The following TRIM41 variants were observed in gnomAD, a reference collection of about 807,000 sequenced individuals.
The protein encoded by TRIM41 is tripartite motif containing 41, also known as E3 ubiquitin-protein ligase TRIM41.
In TRIM41, 21 loss-of-function variants were observed where a neutral mutation model predicts 60.6. The observed-to-expected ratio is 0.35, with a 90% CI of 0.25 to 0.50. TRIM41 has a LOEUF of 0.50. TRIM41 is among the 20% of genes least tolerant of loss of function. TRIM41 has a pLI of 0.98. For missense variants in TRIM41, 846 were observed against 868.3 expected (o/e 0.97, Z 0.32); for synonymous variants, 407 against 344.9 (o/e 1.18, Z -2.00).
At chr5:181,232,230 T>C (rs1346186920) in intron 2 of TRIM41, 2 of 170,504 alleles carry the variant, frequency 1.2e-5, no homozygotes, top group African/African-American at 4.8e-5. Context: ...TCCCTGTCAG[T>C]GGGAGCTCAT....
chr5:181,228,954 A>AAAAAC (rs1758676736), intron 1 of TRIM41: 1 of 151,846 alleles, frequency 6.6e-6, no homozygotes, highest in Non-Finnish European at 1.5e-5. Context: ...AAAAAAAAAA[A>AAAAAC]AAAACAGTAA....
In TRIM41 at chr5:181,235,696, T is replaced by A. The variant is rs1338862788; in HGVS notation, c.*921T>A. 2.8e-6 allele frequency: 1 copy of A among 363,334 alleles called. No homozygotes were observed. The allele number at this position is 363,334 out of a possible 1,614,324, so 22.5% of individuals were successfully genotyped here. A position where few individuals can be genotyped will look rare whatever the true frequency, so the allele number is the denominator to read the frequency against. On this transcript the variant is annotated 3_prime_UTR_variant, in exon 6 of 6. Coordinates refer to ENST00000315073, the MANE Select transcript of TRIM41 (RefSeq NM_033549.5). Reference sequence around the variant, plus strand: ...GGTATAATCTATTTTTCTAGGAGCCTCTTGCCTTGTCACTTGCAGCTTTCG... The same window carrying A: ...GGTATAATCTATTTTTCTAGGAGCCACTTGCCTTGTCACTTGCAGCTTTCG...
rs150582337 is a variant in TRIM41, at chr5:181,230,825, G to A, written c.895G>A (p.Val299Met). 2.5e-6 allele frequency: 4 copies of A among 1,612,944 alleles called. No homozygotes were observed. Among genetic ancestry groups the A allele is most frequent in the East Asian group, 2.2e-5 (1 of 44,830 alleles). ...QKMKAKEERRVTELKSQMKSE... is the reference protein window; with the variant it reads ...QKMKAKEERRMTELKSQMKSE... The stretch of plus-strand genomic sequence containing the variant: ...GATGAAAGCCAAGGAGGAGAGGCGA[G>A]TGACAGAACTGAAGGTGGGTGAATG... The change falls in exon 2 of 6, where the codon GTG (valine) becomes ATG (methionine). Residue 299 changes from valine to methionine, a missense_variant. Coordinates refer to ENST00000315073, the MANE Select transcript of TRIM41 (RefSeq NM_033549.5).
Position 181,233,147 on chromosome 5 carries a change from A to G in TRIM41, c.1140+258A>G. The G allele has an allele frequency of 1.4e-6, 1 of 713,030 alleles. No individual in the cohort carries two copies. Among genetic ancestry groups the G allele is most frequent in the Non-Finnish European group, 2.5e-6 (1 of 393,936 alleles). The allele number at this position is 713,030 out of a possible 1,614,324, so 44.2% of individuals were successfully genotyped here. A position where few individuals can be genotyped will look rare whatever the true frequency, so the allele number is the denominator to read the frequency against. On this transcript the variant is annotated intron_variant, in intron 3 of 5. Transcript: ENST00000315073. This position sits in a 1 kb window ranked among gnomAD's most constrained non-coding sequence, Gnocchi z 4.1. ...ATGACAGTTGAGGAAAGTCTTTTTG[A>G]CAGTGACATCCTGAAAAAGGTGAGC...
At position 181,234,854 on chromosome 5, in the gene TRIM41, T is replaced by C. The variant is rs1453743747; in HGVS notation, c.*79T>C. ...GAGGGTGGCCCGTAAGTTTGAGGGC[T>C]CAAAGGCTCTTCCCACTGCTTGTTA... On this transcript the variant is annotated 3_prime_UTR_variant, in exon 6 of 6. Transcript: ENST00000315073. The surrounding 1 kb of genome is among the most constrained non-coding windows in gnomAD (Gnocchi z 5.6). The C allele has an allele frequency of 2.3e-5, 37 of 1,609,930 alleles. No individual in the cohort carries two copies. Among genetic ancestry groups the C allele is most frequent in the East Asian group, 2.2e-5 (1 of 44,858 alleles).
In TRIM41 at chr5:181,234,928, C is replaced by CTAT; in HGVS notation, c.*155_*156insTTA. 6.2e-7 allele frequency: 1 copy of CTAT among 1,613,798 alleles called. No individual in the cohort carries two copies. The highest frequency in any genetic ancestry group is 8.5e-7 in the Non-Finnish European group (1 of 1,179,974). On this transcript the variant is annotated 3_prime_UTR_variant, in exon 6 of 6. Transcript: ENST00000315073. The surrounding 1 kb of genome is among the most constrained non-coding windows in gnomAD (Gnocchi z 5.6). ...TGACCCCAGGCCCCTGCTTCTCCCT[C>CTAT]TAGGAGCCTAAAGAACCCTCCTGGC... is the stretch of plus-strand genomic sequence containing the variant.
At chr5:181,226,748 G>A (rs995368288) in intron 1 of TRIM41, 2 of 152,188 alleles carry the variant, frequency 1.3e-5, no homozygotes, top group Admixed American at 1.3e-4. Context: ...ACTGCTCCAA[G>A]GAGCTTCTGA....
chr5:181,234,192 C>G lies in TRIM41; in HGVS notation c.1310C>G (p.Pro437Arg). Residue 437 changes from proline to arginine, a missense_variant, in exon 6 of 6, where the codon CCT becomes CGT. By Grantham distance (103) the Pro-to-Arg change is moderately radical. Coordinates refer to ENST00000315073, the MANE Select transcript of TRIM41 (RefSeq NM_033549.5). The surrounding 1 kb of genome is among the most constrained non-coding windows in gnomAD (Gnocchi z 5.6). ...TCCCAAGTGGACCTGACGCTGGACCCTGACACGGCTCACCCGGCCCTGATG... is the reference window on the plus strand; with the variant it reads ...TCCCAAGTGGACCTGACGCTGGACCGTGACACGGCTCACCCGGCCCTGATG... ...QAARVDLTLD[P>R]DTAHPALMLS... The G allele has an allele frequency of 6.2e-7, 1 of 1,612,196 alleles. No homozygotes were observed. The highest frequency in any genetic ancestry group is 8.5e-7 in the Non-Finnish European group (1 of 1,179,960).
At position 181,235,474 on chromosome 5, in the gene TRIM41, CT is replaced by C; in HGVS notation, c.*703del. 6.4e-7 allele frequency: 1 copy of C among 1,568,638 alleles called. No homozygotes were observed. ...ACATAAATTATTTCTTCCCCCTTCC[CT>C]TTTCCAGCACTCAACCAAGGAGCAA... On this transcript the variant is annotated 3_prime_UTR_variant, in exon 6 of 6. Transcript: ENST00000315073.
chr5:181,224,829 G>A lies in TRIM41; in HGVS notation c.813+17G>A. The A allele has an allele frequency of 6.2e-7, 1 of 1,614,110 alleles. No homozygotes were observed. The highest frequency in any genetic ancestry group is 8.5e-7 in the Non-Finnish European group (1 of 1,180,026). ...GAGTACAAGGTGAGAGAAGTACAGA[G>A]AGAAGATGGGAGTTTAGTGGGGGGA... On this transcript the variant is annotated intron_variant, in intron 1 of 5. Transcript: ENST00000315073.
rs1296858862 is a variant in TRIM41, at chr5:181,233,010, T to C, written c.1140+121T>C. 2.0e-6 allele frequency: 2 copies of C among 1,005,966 alleles called. No homozygotes were observed. The highest frequency in any genetic ancestry group is 1.4e-5 in the South Asian group (1 of 72,848). The allele number at this position is 1,005,966 out of a possible 1,614,324, so 62.3% of individuals were successfully genotyped here. A position where few individuals can be genotyped will look rare whatever the true frequency, so the allele number is the denominator to read the frequency against. Reference sequence around the variant, plus strand: ...GGGAGGAACCCACAGTGATTGAACCTGAAGACCAAAAACATGTTTTAAAGC... The same window carrying C: ...GGGAGGAACCCACAGTGATTGAACCCGAAGACCAAAAACATGTTTTAAAGC... On this transcript the variant is annotated intron_variant, in intron 3 of 5. Coordinates refer to ENST00000315073, the MANE Select transcript of TRIM41 (RefSeq NM_033549.5). The surrounding 1 kb of genome is among the most constrained non-coding windows in gnomAD (Gnocchi z 4.1).
chr5:181,224,795 G>T lies in TRIM41; in HGVS notation c.796G>T (p.Val266Leu), dbSNP rs112636508. Residue 266 changes from valine (V) to leucine (L), a missense_variant, in exon 1 of 6, where the codon GTG becomes TTG. Coordinates refer to ENST00000315073, the MANE Select transcript of TRIM41 (RefSeq NM_033549.5). ...GCACAGCGTGGTGCCATTGGAGGAGGTGGTGCAGGAGTACAAGGTGAGAGA... is the reference window on the plus strand; with the variant it reads ...GCACAGCGTGGTGCCATTGGAGGAGTTGGTGCAGGAGTACAAGGTGAGAGA... ...KQHSVVPLEE[V>L]VQEYKAKLQG... 1.9e-6 allele frequency: 3 copies of T among 1,614,114 alleles called. No individual in the cohort carries two copies. In the African/African-American group the frequency reaches 4.0e-5, roughly 22 times the overall value.
In TRIM41 at chr5:181,233,368, T is replaced by G; in HGVS notation, c.1141-45T>G. 2 of 1,585,722 alleles carry G rather than the reference T, an allele frequency of 1.3e-6. No individual in the cohort carries two copies. The highest frequency in any genetic ancestry group is 1.7e-6 in the Non-Finnish European group (2 of 1,155,196). On this transcript the variant is annotated intron_variant, in intron 3 of 5. Transcript: ENST00000315073. The surrounding 1 kb of genome is among the most constrained non-coding windows in gnomAD (Gnocchi z 4.1). ...TGTCCCTGTGCAGCTGACACTCTCTTTATCTCTTTCTCCCTCTCCCTCTTT... is the reference window on the plus strand; with the variant it reads ...TGTCCCTGTGCAGCTGACACTCTCTGTATCTCTTTCTCCCTCTCCCTCTTT...
chr5:181,227,270 A>G (rs902327200), intron 1 of TRIM41: 3 of 152,240 alleles, frequency 2.0e-5, no homozygotes, highest in African/African-American at 7.2e-5. Context: ...ATGTAAATAC[A>G]TAGTTTTATT....
chr5:181,224,267 G>A lies in TRIM41; in HGVS notation c.268G>A (p.Asp90Asn). 6.2e-7 allele frequency: 1 copy of A among 1,613,916 alleles called. No homozygotes were observed. The highest frequency in any genetic ancestry group is 8.5e-7 in the Non-Finnish European group (1 of 1,179,904). The change falls in exon 1 of 6, where the codon GAC (aspartate) becomes AAC (asparagine). Residue 90 changes from aspartate (D) to asparagine (N), a missense_variant. Physicochemically the swap from Asp to Asn is conservative, Grantham distance 23. Transcript: ENST00000315073. Reference sequence around the variant, plus strand: ...GTGGGACACCCCCATGCGGGATGAAGACTACGAGGGTGACATGGAGGAGGA... The same window carrying A: ...GTGGGACACCCCCATGCGGGATGAAAACTACGAGGGTGACATGGAGGAGGA... ...AGWDTPMRDEDYEGDMEEEVE... is the reference protein window; with the variant it reads ...AGWDTPMRDENYEGDMEEEVE...
rs771866255 is a variant in TRIM41, at chr5:181,234,954, C to T, written c.*179C>T. ...TAGGAGCCTAAAGAACCCTCCTGGC[C>T]TCCAGCTCAGCCTTCTCTCACCTAC... On this transcript the variant is annotated 3_prime_UTR_variant, in exon 6 of 6. Transcript: ENST00000315073. This position sits in a 1 kb window ranked among gnomAD's most constrained non-coding sequence, Gnocchi z 5.6. 2 of 1,614,076 alleles carry T rather than the reference C, an allele frequency of 1.2e-6. No homozygotes were observed. The highest frequency in any genetic ancestry group is 1.7e-6 in the Non-Finnish European group (2 of 1,179,992).
chr5:181,233,942 G>A lies in TRIM41; in HGVS notation c.1291+179G>A. On this transcript the variant is annotated intron_variant, in intron 5 of 5. Transcript: ENST00000315073. The surrounding 1 kb of genome is among the most constrained non-coding windows in gnomAD (Gnocchi z 4.1). ...AGGTAGACCTAGTGCAGGCAGGCCT[G>A]GAGGGTGGGGTGGGGTGGAGTGGCA... 1 of 1,211,532 alleles carries A rather than the reference G, an allele frequency of 8.3e-7. No individual in the cohort carries two copies. The highest frequency in any genetic ancestry group is 1.2e-6 in the Non-Finnish European group (1 of 861,448). The allele number at this position is 1,211,532 out of a possible 1,614,324, so 75.0% of individuals were successfully genotyped here. A position where few individuals can be genotyped will look rare whatever the true frequency, so the allele number is the denominator to read the frequency against.
At position 181,234,835 on chromosome 5, in the gene TRIM41, G is replaced by A. The variant is rs766453672; in HGVS notation, c.*60G>A. On this transcript the variant is annotated 3_prime_UTR_variant, in exon 6 of 6. Coordinates refer to ENST00000315073, the MANE Select transcript of TRIM41 (RefSeq NM_033549.5). This position sits in a 1 kb window ranked among gnomAD's most constrained non-coding sequence, Gnocchi z 5.6. ...ACTTGGGGGGTGGGTGGTGGAGGGT[G>A]GCCCGTAAGTTTGAGGGCTCAAAGG... 2.4e-5 allele frequency: 39 copies of A among 1,606,808 alleles called. No homozygotes were observed. The highest frequency in any genetic ancestry group is 1.7e-4 in the Middle Eastern group (1 of 5,896).
At chr5:181,227,937 A>ATTTTT (rs542414802) in intron 1 of TRIM41, 1 of 126,764 alleles carries the variant, frequency 7.9e-6, no homozygotes. Flanking sequence ...TGCCCAGCTA[A>ATTTTT]TTTTTTTTTT....
Sources: allele counts gnomAD v4.1 joint callset, GRCh38; gene constraint gnomAD v4.1.1; non-coding constraint Gnocchi (gnomAD v3.1); transcripts MANE v1.5; gene names NCBI Gene and HGNC (gene_info 2026-07-23, HGNC 2026-07-21).